The following ARHGEF28 variants were observed in gnomAD, a reference collection of about 807,000 sequenced individuals.
The protein encoded by ARHGEF28 is Rho guanine nucleotide exchange factor 28.
A neutral mutation model predicts 206.6 loss-of-function variants in ARHGEF28; 152 were observed. The ratio of observed to expected loss-of-function variants is 0.74; its 90% CI spans 0.64 to 0.84. The LOEUF (loss-of-function observed/expected upper bound fraction) is 0.84, where lower values mean the gene tolerates loss of function less well. ARHGEF28 is among the 40% of genes least tolerant of loss of function. The pLI is 0.00. For missense variants in ARHGEF28, 2,028 were observed against 2,073.2 expected (o/e 0.98, Z 0.42); for synonymous variants, 763 against 776.4 (o/e 0.98, Z 0.29).
chr5:73,724,523 C>A (rs1175713801), intron 2 of ARHGEF28, among the ~76,000 whole-genome samples: 1 of 152,146 alleles, frequency 6.6e-6, no homozygotes, highest in African/African-American at 2.4e-5. Flanking sequence ...ATTAACATCA[C>A]CCCAAAATTC....
intron 2 of ARHGEF28, among the ~76,000 whole-genome samples, chr5:73,685,455 G>T (rs1322669290): frequency 6.6e-6 from 1 of 151,972 alleles, no homozygotes. Context: ...AATGGCAGAT[G>T]GCCTCATCTT....
intron 4 of ARHGEF28, among the ~76,000 whole-genome samples, chr5:73,766,217 A>G (rs1580588988): frequency 6.6e-6 from 1 of 152,174 alleles, no homozygotes; most frequent in South Asian, 2.1e-4. Flanking sequence ...TGTGTTGCAT[A>G]CATTTCAATG....
At chr5:73,910,381 CAAAAAAA>C (rs60086897) in intron 34 of ARHGEF28, among the ~76,000 whole-genome samples, 4 of 31,002 alleles carry the variant, frequency 1.3e-4, no homozygotes, top group South Asian at 2.0e-3. Context: ...AACACCATCT[CAAAAAAA>C]AAAAAAAAAA....
At chr5:73,808,473 C>T (rs926485329) in intron 9 of ARHGEF28, among the ~76,000 whole-genome samples, 1 of 152,152 alleles carries the variant, frequency 6.6e-6, no homozygotes, top group Admixed American at 6.5e-5. Flanking sequence ...GAAAGCCACC[C>T]ATTTCACCGG....
intron 35 of ARHGEF28, among the ~76,000 whole-genome samples, chr5:73,913,113 A>G (rs910917209): frequency 6.6e-6 from 1 of 152,254 alleles, no homozygotes; most frequent in Non-Finnish European, 1.5e-5. Flanking sequence ...AAACCAGTCT[A>G]TCCACATGTA....
At chr5:73,687,319 A>G (rs1747534129) in intron 2 of ARHGEF28, among the ~76,000 whole-genome samples, 1 of 152,036 alleles carries the variant, frequency 6.6e-6, no homozygotes, top group Non-Finnish European at 1.5e-5. Context: ...CATTTTTTCT[A>G]GTAGAATATT....
chr5:73,733,834 A>G (rs1750746537), intron 2 of ARHGEF28, among the ~76,000 whole-genome samples: 1 of 152,124 alleles, frequency 6.6e-6, no homozygotes, highest in Non-Finnish European at 1.5e-5. Flanking sequence ...CAGTTCTGTA[A>G]GCTGTACAGG....
chr5:73,925,860 A>G (rs1038323822), intron 35 of ARHGEF28, among the ~76,000 whole-genome samples: 56 of 152,218 alleles, frequency 3.7e-4, no homozygotes, highest in African/African-American at 1.3e-3. Context: ...GTTGATGGAC[A>G]TCTGGCTTAT....
chr5:73,679,799 A>G (rs1285416962), intron 1 of ARHGEF28, among the ~76,000 whole-genome samples: 1 of 151,404 alleles, frequency 6.6e-6, no homozygotes, highest in Admixed American at 6.6e-5. Context: ...TATGTAGTAC[A>G]TGTTTAAGTT....
At chr5:73,755,930 A>C (rs60981904) in intron 4 of ARHGEF28, among the ~76,000 whole-genome samples, 2,229 of 152,282 alleles carry the variant, frequency 0.015, 40 homozygotes, top group African/African-American at 0.051. Context: ...GTATTTATAC[A>C]TACTATATGT....
At chr5:73,886,833 C>G (rs1459095362) in intron 25 of ARHGEF28, among the ~76,000 whole-genome samples, 2 of 152,136 alleles carry the variant, frequency 1.3e-5, no homozygotes. Flanking sequence ...TAAAGGCTCC[C>G]CAAGTGAGAC....
At chr5:73,821,067 G>C (rs116078011) in intron 9 of ARHGEF28, among the ~76,000 whole-genome samples, 2 of 152,008 alleles carry the variant, frequency 1.3e-5, no homozygotes, top group Non-Finnish European at 2.9e-5. Flanking sequence ...CCTGACAATC[G>C]AGAGTCCTGG....
At chr5:73,751,885 A>G (rs553341734) in intron 3 of ARHGEF28, among the ~76,000 whole-genome samples, 3 of 140,436 alleles carry the variant, frequency 2.1e-5, no homozygotes, top group Admixed American at 7.0e-5. Flanking sequence ...AGGTGGGTGC[A>G]TTCTGTGCCC....
At chr5:73,789,585 G>A (rs890080460) in intron 7 of ARHGEF28, among the ~76,000 whole-genome samples, 4 of 152,072 alleles carry the variant, frequency 2.6e-5, no homozygotes, top group African/African-American at 9.7e-5. Context: ...CCTTAATAAA[G>A]CTGTCATAAA....
intron 29 of ARHGEF28, among the ~76,000 whole-genome samples, chr5:73,896,734 G>C (rs896070912): frequency 2.6e-5 from 4 of 152,238 alleles, no homozygotes; most frequent in African/African-American, 9.6e-5. Flanking sequence ...ATAAAGGCTT[G>C]ATGAAATAAA....
chr5:73,816,393 A>C (rs186114350), intron 9 of ARHGEF28, among the ~76,000 whole-genome samples: 26 of 152,286 alleles, frequency 1.7e-4, no homozygotes, highest in African/African-American at 5.1e-4. Flanking sequence ...CCTTCCTTCT[A>C]ATCACCACCA....
rs760371666 is a variant in ARHGEF28 at position 73,866,003 on chromosome 5, C to T, written c.2142C>T (p.Thr714=). 6.2e-7 allele frequency: 1 copy of T among 1,603,518 alleles called. No homozygotes were observed. Among genetic ancestry groups the T allele is most frequent in the East Asian group, 2.2e-5 (1 of 44,702 alleles). ...AATATAACAAGAACAAACCACAGAC[C>T]ATCCTTGGAAGTAAGTGATGTAGAA... is the stretch of plus-strand genomic sequence containing the variant. ...QEKYNKNKPQ[T]ILGNSSFRDI... Residue 714 remains threonine (T), a synonymous_variant, in exon 18 of 36, where the codon ACC becomes ACT. Coordinates refer to ENST00000513042, the MANE Select transcript of ARHGEF28 (RefSeq NM_001177693.2).
chr5:73,769,803 T>G (rs1295187624), intron 4 of ARHGEF28, among the ~76,000 whole-genome samples: 1 of 152,208 alleles, frequency 6.6e-6, no homozygotes, highest in Non-Finnish European at 1.5e-5. Flanking sequence ...GGTTAATTAT[T>G]TAACCTATTT....
chr5:73,807,036 GT>G (rs35751176), intron 9 of ARHGEF28, among the ~76,000 whole-genome samples: 45,488 of 131,786 alleles, frequency 0.35, 7,501 homozygotes, highest in Non-Finnish European at 0.43. Context: ...CATGTAAGAG[GT>G]TTTTTTTTTT....
Sources: allele counts gnomAD v4.1 joint callset (sites outside exome capture counted in the v4.1 genomes callset), GRCh38; gene constraint gnomAD v4.1.1; transcripts MANE v1.5; gene names NCBI Gene and HGNC (gene_info 2026-07-23, HGNC 2026-07-21).